STAG1: variants seen among roughly 807,000 people sequenced by gnomAD.
The protein encoded by STAG1 is cohesin subunit SA-1.
In STAG1, 26 loss-of-function variants were observed where a neutral mutation model predicts 170.9. The ratio of observed to expected loss-of-function variants is 0.15; its 90% CI spans 0.11 to 0.21. The LOEUF is 0.21. Ranked by LOEUF, STAG1 falls within the 10% of genes least tolerant of loss-of-function variation. The pLI is 1.00. For missense variants in STAG1, 964 were observed against 1,509.5 expected (o/e 0.64, Z 5.99); for synonymous variants, 514 against 497.7 (o/e 1.03, Z -0.44).
At chr3:136,544,371 G>T (rs1353868157) in intron 5 of STAG1, among the ~76,000 whole-genome samples, 1 of 151,956 alleles carries the variant, frequency 6.6e-6, no homozygotes, top group Non-Finnish European at 1.5e-5. Flanking sequence ...CTCCAACTAG[G>T]TACACAAGTA....
chr3:136,608,020 G>A (rs1939049878), intron 3 of STAG1, among the ~76,000 whole-genome samples: 1 of 152,124 alleles, frequency 6.6e-6, no homozygotes, highest in Non-Finnish European at 1.5e-5. Context: ...ACCTTGGGAG[G>A]CCAAGGCGGG....
chr3:136,652,202 CTT>C (rs1449059118), intron 1 of STAG1, among the ~76,000 whole-genome samples: 1 of 152,116 alleles, frequency 6.6e-6, no homozygotes, highest in African/African-American at 2.4e-5. Context: ...CAAGTCATAA[CTT>C]ATACAATTCT....
intron 14 of STAG1, among the ~76,000 whole-genome samples, chr3:136,444,065 G>C (rs2088707005): frequency 6.6e-6 from 1 of 151,912 alleles, no homozygotes; most frequent in African/African-American, 2.4e-5. Context: ...ATTAAGCCTT[G>C]GAGAATATTA....
intron 7 of STAG1, among the ~76,000 whole-genome samples, chr3:136,508,764 CCTGT>C (rs1159833877): frequency 1.3e-5 from 2 of 152,242 alleles, no homozygotes; most frequent in Non-Finnish European, 2.9e-5. Context: ...CTGCACGACT[CCTGT>C]CTGATTTCCA....
chr3:136,371,836 C>T (rs1387136441), intron 23 of STAG1, among the ~76,000 whole-genome samples: 1 of 152,150 alleles, frequency 6.6e-6, no homozygotes, highest in Non-Finnish European at 1.5e-5. Context: ...CTTGGCAATA[C>T]AGGCTCTTTT....
intron 1 of STAG1, among the ~76,000 whole-genome samples, chr3:136,665,161 C>A (rs908334504): frequency 1.3e-5 from 2 of 152,190 alleles, no homozygotes; most frequent in Admixed American, 6.5e-5. Context: ...TAAAGAGCAT[C>A]ACCCATATTT....
intron 1 of STAG1, among the ~76,000 whole-genome samples, chr3:136,720,272 T>C (rs549501237): frequency 1.3e-5 from 2 of 148,388 alleles, no homozygotes; most frequent in South Asian, 2.2e-4. Flanking sequence ...ACAAAGTAAA[T>C]ACATAAAATC....
intron 28 of STAG1, among the ~76,000 whole-genome samples, chr3:136,353,261 A>T (rs1479498848): frequency 1.3e-5 from 2 of 152,204 alleles, no homozygotes; most frequent in Non-Finnish European, 2.9e-5. Flanking sequence ...AATGGGAGTA[A>T]CCAAGGTAGC....
At chr3:136,406,302 C>T (rs1270926139) in intron 21 of STAG1, among the ~76,000 whole-genome samples, 5 of 152,148 alleles carry the variant, frequency 3.3e-5, no homozygotes, top group Admixed American at 6.5e-5. Flanking sequence ...ATGCTCTCAA[C>T]GGTTACATGC....
At chr3:136,663,409 A>G (rs1456861457) in intron 1 of STAG1, among the ~76,000 whole-genome samples, 3 of 152,240 alleles carry the variant, frequency 2.0e-5, no homozygotes, top group Non-Finnish European at 4.4e-5. Context: ...CACATAGATT[A>G]TAAGTGGCAG....
At position 136,472,302 on chromosome 3, in the gene STAG1, C is replaced by T. The variant is rs894564682; in HGVS notation, c.1205+111G>A. On this transcript the variant is annotated intron_variant, in intron 12 of 33. Transcript: ENST00000383202. ...TAACGTTAAAATGTAAAAGTTGAAC[C>T]TAAAATGATAAACATATACATAAGG... 7 of 564,122 alleles carry T rather than the reference C, an allele frequency of 1.2e-5. No individual in the cohort carries two copies. In the African/African-American group the frequency reaches 1.4e-4, roughly 11 times the overall value. The allele number at this position is 564,122 out of a possible 1,614,324, so 34.9% of individuals were successfully genotyped here. A position where few individuals can be genotyped will look rare whatever the true frequency, so the allele number is the denominator to read the frequency against.
chr3:136,683,175 A>C (rs1942397009), intron 1 of STAG1, among the ~76,000 whole-genome samples: 2 of 152,156 alleles, frequency 1.3e-5, no homozygotes, highest in Admixed American at 6.6e-5. Flanking sequence ...AGTTCTAGAG[A>C]TTGGTTGCAC....
chr3:136,373,203 G>A (rs371818171), intron 23 of STAG1, among the ~76,000 whole-genome samples: 4 of 151,918 alleles, frequency 2.6e-5, no homozygotes, highest in African/African-American at 9.7e-5. Context: ...TATCCCCTTT[G>A]TCATTTTTTA....
intron 5 of STAG1, among the ~76,000 whole-genome samples, chr3:136,560,524 G>C (rs1936798727): frequency 6.6e-6 from 1 of 152,086 alleles, no homozygotes; most frequent in Non-Finnish European, 1.5e-5. Flanking sequence ...CATAGCTTTA[G>C]AATGCAACTC....
chr3:136,659,654 A>C (rs1359007081), intron 1 of STAG1, among the ~76,000 whole-genome samples: 2 of 152,250 alleles, frequency 1.3e-5, no homozygotes, highest in Non-Finnish European at 2.9e-5. Context: ...TTCTTGACCC[A>C]AAATGCTATC....
intron 23 of STAG1, among the ~76,000 whole-genome samples, chr3:136,373,146 A>T (rs191630140): frequency 2.0e-5 from 3 of 152,188 alleles, no homozygotes; most frequent in Non-Finnish European, 4.4e-5. Context: ...AGAGGTGTTT[A>T]TAGTATTCTC....
At chr3:136,405,265 G>A (rs1056961996) in intron 21 of STAG1, among the ~76,000 whole-genome samples, 3 of 91,116 alleles carry the variant, frequency 3.3e-5, no homozygotes, top group African/African-American at 4.0e-5. Context: ...TTTTTCAGAC[G>A]AAGTCTCACT....
chr3:136,752,340 T>C lies in STAG1; in HGVS notation c.-229A>G, dbSNP rs1375145839. On this transcript the variant is annotated 5_prime_UTR_variant, in exon 1 of 34. Coordinates refer to ENST00000383202, the MANE Select transcript of STAG1 (RefSeq NM_005862.3). Reference sequence around the variant, plus strand: ...GGCCGCGCCTTCAACGGAGCTGCAATCCTAACCCGCCATCTGGTGGCATTT... The same window carrying C: ...GGCCGCGCCTTCAACGGAGCTGCAACCCTAACCCGCCATCTGGTGGCATTT... 6.6e-6 allele frequency: 1 copy of C among 152,634 alleles called. No individual in the cohort carries two copies. The highest frequency in any genetic ancestry group is 6.5e-5 in the Admixed American group (1 of 15,282). 9.5% of individuals were successfully genotyped at this position (152,634 alleles called of 1,614,324 possible).
chr3:136,479,297 A>C (rs2089860624), intron 9 of STAG1, among the ~76,000 whole-genome samples: 1 of 125,172 alleles, frequency 8.0e-6, no homozygotes, highest in Non-Finnish European at 1.6e-5. Flanking sequence ...CTCATTGTTC[A>C]ATTCCCACCT....
Sources: gnomAD v4.1 joint callset for allele counts (sites outside exome capture counted in the v4.1 genomes callset) on GRCh38, gnomAD v4.1.1 for gene constraint, MANE v1.5 for transcripts, NCBI Gene and HGNC (gene_info 2026-07-23, HGNC 2026-07-21) for gene names.